The following ADGRL3 variants were observed in gnomAD, a reference collection of about 807,000 sequenced individuals.
The protein encoded by ADGRL3 is calcium-independent alpha-latrotoxin receptor 3.
A neutral mutation model predicts 153.5 loss-of-function variants in ADGRL3; 62 were observed. That is an observed-to-expected ratio of 0.40 (90% CI 0.33 to 0.50). The LOEUF (loss-of-function observed/expected upper bound fraction) is 0.50, where lower values mean the gene tolerates loss of function less well. ADGRL3 is among the 20% of genes least tolerant of loss of function. ADGRL3 has a pLI of 0.47. For synonymous variants in ADGRL3, 710 were observed against 672.5 expected (o/e 1.06, Z -0.86); for missense variants, 1,641 against 1,859.4 (o/e 0.88, Z 2.16).
chr4:61,773,575 C>T (rs531353290), intron 8 of ADGRL3, among the ~76,000 whole-genome samples: 12 of 152,064 alleles, frequency 7.9e-5, no homozygotes, highest in East Asian at 3.9e-4. Flanking sequence ...AACTGCCATG[C>T]GTTGCAGGTA....
intron 4 of ADGRL3, among the ~76,000 whole-genome samples, chr4:61,524,867 A>C (rs2098550916): frequency 6.6e-6 from 1 of 152,150 alleles, no homozygotes; most frequent in Non-Finnish European, 1.5e-5. Flanking sequence ...GATTGGGGAA[A>C]AGCAAAATAA....
At chr4:61,674,842 C>A (rs150924728) in intron 5 of ADGRL3, among the ~76,000 whole-genome samples, 1 of 151,586 alleles carries the variant, frequency 6.6e-6, no homozygotes, top group Non-Finnish European at 1.5e-5. Context: ...TACGAAAGAT[C>A]TACTATTTTA....
chr4:61,931,605 C>G (rs2098817841), intron 13 of ADGRL3, among the ~76,000 whole-genome samples: 1 of 152,122 alleles, frequency 6.6e-6, no homozygotes, highest in South Asian at 2.1e-4. Context: ...TCTCTCTATC[C>G]TTGTGTAAAC....
At position 61,804,575 on chromosome 4, in the gene ADGRL3, T is replaced by G. The variant is rs115416856; in HGVS notation, c.1400-9234T>G. On this transcript the variant is annotated intron_variant, in intron 8 of 26. Coordinates refer to ENST00000683033, the MANE Select transcript of ADGRL3 (RefSeq NM_001387552.1). ...GAACACTGGAACCATACTGGAGATA[T>G]TAAAAATTTTTCACTCTTCTCTCAG... 3.1e-3 allele frequency among the ~76,000 whole-genome samples: 475 copies of G among 152,268 alleles called. 2 individuals are homozygous for G. Among genetic ancestry groups the G allele is most frequent in the Non-Finnish European group, 5.4e-3 (367 of 68,002 alleles).
chr4:61,807,403 T>TA (rs1167919451), intron 8 of ADGRL3, among the ~76,000 whole-genome samples: 2 of 152,076 alleles, frequency 1.3e-5, no homozygotes, highest in Non-Finnish European at 2.9e-5. Flanking sequence ...ATGGAATATA[T>TA]TTTTTAATGG....
At chr4:61,353,012 G>A (rs188556046) in intron 1 of ADGRL3, among the ~76,000 whole-genome samples, 274 of 152,212 alleles carry the variant, frequency 1.8e-3, no homozygotes, top group African/African-American at 6.4e-3. Flanking sequence ...TATTTGGCCC[G>A]AGGTTCGAAA....
At chr4:61,999,413 A>G (rs1038489107) in intron 21 of ADGRL3, among the ~76,000 whole-genome samples, 1 of 152,224 alleles carries the variant, frequency 6.6e-6, no homozygotes, top group Non-Finnish European at 1.5e-5. Flanking sequence ...CAAAAAAATT[A>G]TCGTGTTTCT....
chr4:61,625,037 G>C (rs1320373668), intron 5 of ADGRL3, among the ~76,000 whole-genome samples: 1 of 151,984 alleles, frequency 6.6e-6, no homozygotes, highest in African/African-American at 2.4e-5. Flanking sequence ...CCTAGATAAT[G>C]ATACTGAACC....
At chr4:61,386,440 C>T (rs2096736892) in intron 2 of ADGRL3, among the ~76,000 whole-genome samples, 1 of 152,078 alleles carries the variant, frequency 6.6e-6, no homozygotes, top group African/African-American at 2.4e-5. Flanking sequence ...TGATAGTACA[C>T]AGCAAAATAA....
chr4:61,848,361 C>T (rs938684363), intron 9 of ADGRL3, among the ~76,000 whole-genome samples: 5 of 151,238 alleles, frequency 3.3e-5, no homozygotes, highest in African/African-American at 1.2e-4. Context: ...TTACCTCTTC[C>T]AGTGTCTTGT....
At chr4:61,502,829 TGAAA>T (rs2098401089) in intron 3 of ADGRL3, among the ~76,000 whole-genome samples, 1 of 152,200 alleles carries the variant, frequency 6.6e-6, no homozygotes, top group South Asian at 2.1e-4. Flanking sequence ...TTATTAGTGG[TGAAA>T]GAGTCAGGTT....
chr4:61,957,697 G>A (rs1241208279), intron 17 of ADGRL3, among the ~76,000 whole-genome samples: 3 of 146,436 alleles, frequency 2.0e-5, no homozygotes, highest in Non-Finnish European at 4.5e-5. Flanking sequence ...TTTTTTTTTT[G>A]TACAAGGACA....
chr4:61,396,684 C>T (rs367677960), intron 2 of ADGRL3, among the ~76,000 whole-genome samples: 1 of 151,882 alleles, frequency 6.6e-6, no homozygotes, highest in South Asian at 2.1e-4. Flanking sequence ...TTATATCATC[C>T]AGGAGGGAAA....
chr4:61,326,965 A>G (rs562065571), intron 1 of ADGRL3, among the ~76,000 whole-genome samples: 17 of 152,124 alleles, frequency 1.1e-4, no homozygotes, highest in African/African-American at 4.1e-4. Context: ...TATTTGATAT[A>G]GGGTTATGTG....
At chr4:61,535,586 GT>G (rs200828275) in intron 4 of ADGRL3, among the ~76,000 whole-genome samples, 1 of 151,660 alleles carries the variant, frequency 6.6e-6, no homozygotes, top group Non-Finnish European at 1.5e-5. Context: ...CTTGTTGGTA[GT>G]TTTTTTTACT....
At chr4:61,238,533 A>G (rs1753719034) in intron 1 of ADGRL3, among the ~76,000 whole-genome samples, 1 of 151,836 alleles carries the variant, frequency 6.6e-6, no homozygotes, top group African/African-American at 2.4e-5. Flanking sequence ...GATTGTGCTT[A>G]CAGCAGTAAT....
intron 5 of ADGRL3, among the ~76,000 whole-genome samples, chr4:61,597,661 T>G (rs1164332742): frequency 6.9e-6 from 1 of 144,300 alleles, no homozygotes; most frequent in Non-Finnish European, 1.5e-5. Context: ...TCGTTTTTTG[T>G]TTTTTTTTTT....
At chr4:61,226,009 TC>T (rs34516889) in intron 1 of ADGRL3, among the ~76,000 whole-genome samples, 1,726 of 152,268 alleles carry the variant, frequency 0.011, 34 homozygotes, top group African/African-American at 0.04. Context: ...CCGTAACAGC[TC>T]TCAGAGTATT....
chr4:61,887,048 A>G (rs1184946454), intron 9 of ADGRL3, among the ~76,000 whole-genome samples: 1 of 151,192 alleles, frequency 6.6e-6, no homozygotes, highest in South Asian at 2.1e-4. Flanking sequence ...TATTTTTAGT[A>G]GAGATGGGGT....
Sources: gnomAD v4.1 joint callset for allele counts (sites outside exome capture counted in the v4.1 genomes callset) on GRCh38, gnomAD v4.1.1 for gene constraint, MANE v1.5 for transcripts, NCBI Gene and HGNC (gene_info 2026-07-23, HGNC 2026-07-21) for gene names.